Variants in IGFBP5 observed in about 807,000 individuals in gnomAD.
IGFBP5 encodes insulin like growth factor binding protein 5, also known as insulin-like growth factor-binding protein 5.
IGFBP5 carries 12 observed loss-of-function variants against 28.0 expected under a neutral mutation model. The observed-to-expected ratio is 0.43, with a 90% CI of 0.27 to 0.69. IGFBP5 has a LOEUF of 0.69. IGFBP5 is among the 30% of genes least tolerant of loss of function. The pLI is 0.20. For synonymous variants in IGFBP5, 152 were observed against 150.2 expected, an observed-to-expected ratio of 1.01 and a Z score of -0.09; for missense variants, 344 against 381.6, an observed-to-expected ratio of 0.90 and a Z score of 0.82.
rs1405383318 is a variant in IGFBP5 at position 216,692,897 on chromosome 2, C to T, written c.337+1542G>A. Among the ~76,000 whole-genome samples, 1 of 152,094 alleles carries T rather than the reference C, an allele frequency of 6.6e-6. No homozygotes were observed. Among genetic ancestry groups the T allele is most frequent in the African/African-American group, 2.4e-5 (1 of 41,416 alleles). ...GGCTGAACACAGGAAGCTCTCCGGC[C>T]TCCTGGCAAGCGCGGACGCACTCCT... On this transcript the variant is annotated intron_variant, in intron 1 of 3. Coordinates refer to ENST00000233813, the MANE Select transcript of IGFBP5 (RefSeq NM_000599.4). The surrounding 1 kb of genome is among the most constrained non-coding windows in gnomAD (Gnocchi z 4.2).
rs11575195 is a variant in IGFBP5, at chr2:216,678,910, G to A, written c.507C>T (p.Ala169=). The change falls in exon 2 of 4, where the codon GCC becomes GCT. Residue 169 remains alanine, a synonymous_variant. Transcript: ENST00000233813. ...KLTQSKFVGG[A]ENTAHPRIIS... ...TGATCCGGGGGTGGGCAGTGTTCTC[G>A]GCTCCCCCGACAAACTTGGACTGGG... 0.038 allele frequency: 61,333 copies of A among 1,614,124 alleles called. 1,504 individuals are homozygous for A. Among genetic ancestry groups the A allele is most frequent in the African/African-American group, 0.1 (7,602 of 75,018 alleles).
chr2:216,694,648 A>AG lies in IGFBP5; in HGVS notation c.127dup (p.Leu43ProfsTer76). 3 of 1,531,256 alleles carry AG rather than the reference A, an allele frequency of 2.0e-6. No individual in the cohort carries two copies. The highest frequency in any genetic ancestry group is 1.3e-5 in the South Asian group (1 of 79,284). The allele number at this position is 1,531,256 out of a possible 1,614,324, so 94.9% of individuals were successfully genotyped here. On this transcript the variant is annotated frameshift_variant, in exon 1 of 4. Transcript: ENST00000233813. LOFTEE classifies it high-confidence loss of function. The surrounding 1 kb of genome is among the most constrained non-coding windows in gnomAD (Gnocchi z 5.2). Reference sequence around the variant, plus strand: ...CGGCTCCTTGACCAGCTCGCAGCCCAGGGGGCTGGGGGGGCACATGGAGAG... The same window carrying AG: ...CGGCTCCTTGACCAGCTCGCAGCCCAGGGGGGCTGGGGGGGCACATGGAGAG...
rs149998315 is a variant in IGFBP5, at chr2:216,679,834, C to T, written c.338-755G>A. On this transcript the variant is annotated intron_variant, in intron 1 of 3. Transcript: ENST00000233813. This position sits in a 1 kb window ranked among gnomAD's most constrained non-coding sequence, Gnocchi z 4.6. ...TGCTCGGGGGCCTGGGAGGCTGGGA[C>T]GTTACTCAGCTCTGGACTGAGAGAG... 3.3e-5 allele frequency among the ~76,000 whole-genome samples: 5 copies of T among 152,258 alleles called. No individual in the cohort carries two copies. The highest frequency in any genetic ancestry group is 2.1e-4 in the South Asian group (1 of 4,818).
chr2:216,693,336 G>C (rs894199307), intron 1 of IGFBP5, among the ~76,000 whole-genome samples: 1 of 151,438 alleles, frequency 6.6e-6, no homozygotes, highest in African/African-American at 2.4e-5. Context: ...CTCCCAGTGC[G>C]TGGCTTTTCT....
rs112245884 is a variant in IGFBP5 at position 216,672,517 on chromosome 2, C to CA, written c.*4233dup. On this transcript the variant is annotated 3_prime_UTR_variant, in exon 4 of 4. Coordinates refer to ENST00000233813, the MANE Select transcript of IGFBP5 (RefSeq NM_000599.4). ...TATGTACTGTGGTTATTGCTGTCTT[C>CA]AAAAAAAAAAAGAAAAAGAAAAACA... The CA allele has an allele frequency of 1.4e-3, 183 of 135,250 alleles. No individual in the cohort carries two copies. The highest frequency in any genetic ancestry group is 7.5e-3 in the Middle Eastern group (2 of 268). The allele number at this position is 135,250 out of a possible 1,614,324, so 8.4% of individuals were successfully genotyped here. A position where few individuals can be genotyped will look rare whatever the true frequency, so the allele number is the denominator to read the frequency against.
At position 216,683,194 on chromosome 2, in the gene IGFBP5, G is replaced by A. The variant is rs149420866; in HGVS notation, c.338-4115C>T. On this transcript the variant is annotated intron_variant, in intron 1 of 3. Transcript: ENST00000233813. ...AAATTAGCTGGGCATAGAGGCGTGC[G>A]CCTCTAGTCTGAGAAACTCAGGAGG... Among the ~76,000 whole-genome samples, 6 of 152,272 alleles carry A rather than the reference G, an allele frequency of 3.9e-5. No homozygotes were observed. In the East Asian group the frequency reaches 7.8e-4, roughly 20 times the overall value.
chr2:216,691,934 G>A (rs1266161745), intron 1 of IGFBP5, among the ~76,000 whole-genome samples: 1 of 147,550 alleles, frequency 6.8e-6, no homozygotes, highest in Non-Finnish European at 1.5e-5. Context: ...TCAGATTTTG[G>A]CGGGGGTGGG....
intron 1 of IGFBP5, among the ~76,000 whole-genome samples, chr2:216,688,899 C>T (rs866634894): frequency 6.6e-6 from 1 of 152,210 alleles, no homozygotes; most frequent in South Asian, 2.1e-4. Context: ...GAATGGGTCT[C>T]AGCACTTCCT....
chr2:216,684,499 G>A (rs1689012911), intron 1 of IGFBP5, among the ~76,000 whole-genome samples: 1 of 152,238 alleles, frequency 6.6e-6, no homozygotes, highest in South Asian at 2.1e-4. Context: ...AGTCCAGGAA[G>A]AGTGTCGGGC....
At chr2:216,684,169 G>A (rs1689009961) in intron 1 of IGFBP5, among the ~76,000 whole-genome samples, 1 of 152,206 alleles carries the variant, frequency 6.6e-6, no homozygotes, top group South Asian at 2.1e-4. Context: ...CCCTGCCCAA[G>A]CTCAACCACT....
At position 216,675,465 on chromosome 2, in the gene IGFBP5, GT is replaced by G. The variant is rs1688883375; in HGVS notation, c.*1285del. The G allele has an allele frequency of 6.6e-6, 1 of 152,476 alleles. No individual in the cohort carries two copies. The highest frequency in any genetic ancestry group is 2.1e-4 in the South Asian group (1 of 4,808). The allele number at this position is 152,476 out of a possible 1,614,324, so 9.4% of individuals were successfully genotyped here. On this transcript the variant is annotated 3_prime_UTR_variant, in exon 4 of 4. Coordinates refer to ENST00000233813, the MANE Select transcript of IGFBP5 (RefSeq NM_000599.4). ...AATGGGATGGACTGAGGCGCGTGCTGTGTGCACCACGGAGGGCTGGCCTCTG... is the reference window on the plus strand; with the variant it reads ...AATGGGATGGACTGAGGCGCGTGCTGGTGCACCACGGAGGGCTGGCCTCTG...
rs1689117041 is a variant in IGFBP5 at position 216,692,790 on chromosome 2, GT to G, written c.337+1648del. Among the ~76,000 whole-genome samples, 1 of 152,022 alleles carries G rather than the reference GT, an allele frequency of 6.6e-6. No homozygotes were observed. The highest frequency in any genetic ancestry group is 2.4e-5 in the African/African-American group (1 of 41,398). On this transcript the variant is annotated intron_variant, in intron 1 of 3. Transcript: ENST00000233813. This position sits in a 1 kb window ranked among gnomAD's most constrained non-coding sequence, Gnocchi z 4.2. ...CTGCAAAAAGATCGACTTTTTGCAG[GT>G]TTGGAGATCGACTACCTCTTGCAAA...
intron 1 of IGFBP5, among the ~76,000 whole-genome samples, chr2:216,689,681 C>T (rs1395839955): frequency 1.3e-5 from 2 of 152,228 alleles, no homozygotes; most frequent in Non-Finnish European, 2.9e-5. Flanking sequence ...TGTCTCTAAC[C>T]CTGCTGCCAC....
intron 1 of IGFBP5, among the ~76,000 whole-genome samples, chr2:216,683,155 CA>C (rs11575169): frequency 4.0e-5 from 6 of 151,794 alleles, no homozygotes; most frequent in Non-Finnish European, 5.9e-5. Context: ...CCCGTCTCTA[CA>C]AAAAAAACAC....
intron 3 of IGFBP5, 73 bp downstream of exon 3, chr2:216,678,039 C>T: frequency 7.4e-7 from 1 of 1,359,084 alleles, no homozygotes; most frequent in Non-Finnish European, 9.6e-7. Flanking sequence ...TAGGCACTTG[C>T]CCAAGGTGGA....
rs749074136 is a variant in IGFBP5 at position 216,694,662 on chromosome 2, G to A, written c.114C>T (p.Cys38=). The A allele has an allele frequency of 5.2e-6, 8 of 1,526,988 alleles. No individual in the cohort carries two copies. The East Asian group carries it at 1.5e-4, about 28-fold the overall frequency. The allele number at this position is 1,526,988 out of a possible 1,614,324, so 94.6% of individuals were successfully genotyped here. A position where few individuals can be genotyped will look rare whatever the true frequency, so the allele number is the denominator to read the frequency against. The part of the protein sequence containing the change: ...EPCDEKALSM[C]PPSPLGCELV... ...GCTCGCAGCCCAGGGGGCTGGGGGGGCACATGGAGAGGGCTTTCTCGTCGC... is the reference window on the plus strand; with the variant it reads ...GCTCGCAGCCCAGGGGGCTGGGGGGACACATGGAGAGGGCTTTCTCGTCGC... Residue 38 remains cysteine, a synonymous_variant, in exon 1 of 4, where the codon TGC becomes TGT. Transcript: ENST00000233813. This position sits in a 1 kb window ranked among gnomAD's most constrained non-coding sequence, Gnocchi z 5.2.
intron 1 of IGFBP5, among the ~76,000 whole-genome samples, chr2:216,680,088 G>A (rs1278597872): frequency 6.6e-6 from 1 of 152,028 alleles, no homozygotes; most frequent in Admixed American, 6.5e-5. Context: ...ACCTCCCCCA[G>A]CCTCAGAGGA....
chr2:216,693,862 A>G (rs1453057193), intron 1 of IGFBP5, among the ~76,000 whole-genome samples: 1 of 151,948 alleles, frequency 6.6e-6, no homozygotes, highest in African/African-American at 2.4e-5. Flanking sequence ...ATTAGCTACC[A>G]AGGATGTGGG....
intron 1 of IGFBP5, among the ~76,000 whole-genome samples, chr2:216,682,999 A>C (rs935843943): frequency 1.3e-5 from 2 of 151,962 alleles, no homozygotes; most frequent in Non-Finnish European, 2.9e-5. Context: ...TGAGCCACCA[A>C]GCCCGGCCTG....
Sources: gnomAD v4.1 joint callset for allele counts (sites outside exome capture counted in the v4.1 genomes callset) on GRCh38, gnomAD v4.1.1 for gene constraint, Gnocchi (gnomAD v3.1) non-coding constraint, MANE v1.5 for transcripts, NCBI Gene and HGNC (gene_info 2026-07-23, HGNC 2026-07-21) for gene names.